TOMM20L: variants seen among roughly 807,000 people sequenced by gnomAD.
TOMM20L encodes the protein TOMM20-like protein 1.
In TOMM20L, 19 loss-of-function variants were observed where a neutral mutation model predicts 20.4. The observed-to-expected ratio is 0.93, with a 90% CI of 0.65 to 1.36. The LOEUF (loss-of-function observed/expected upper bound fraction) is 1.36, where lower values mean the gene tolerates loss of function less well. Ranked by LOEUF, TOMM20L falls within the 40% of genes most tolerant of loss-of-function variation. TOMM20L has a pLI of 0.00. For missense variants in TOMM20L, 218 were observed against 203.7 expected (o/e 1.07, Z -0.43); for synonymous variants, 75 against 79.6 (o/e 0.94, Z 0.30).
At chr14:58,397,167 G>A (rs371007498) in intron 2 of TOMM20L, among the ~76,000 whole-genome samples, 5 of 152,228 alleles carry the variant, frequency 3.3e-5, no homozygotes, top group African/African-American at 1.2e-4. Flanking sequence ...ACTTAGCTGA[G>A]ATTGTTAGCC....
In TOMM20L at chr14:58,408,513, T is replaced by C. The variant is rs199994867; in HGVS notation, c.406-16T>C. On this transcript the variant is annotated splice_polypyrimidine_tract_variant and intron_variant, in intron 4 of 4. Coordinates refer to ENST00000360945, the MANE Select transcript of TOMM20L (RefSeq NM_207377.3). The stretch of plus-strand genomic sequence containing the variant: ...ATTGAAATGATTAGCAAGTAACTAT[T>C]TTATGTATTCACCAGCAATTTGAGG... The C allele has an allele frequency of 1.9e-6, 3 of 1,612,658 alleles. No individual in the cohort carries two copies. The Admixed American group carries it at 5.0e-5, about 27-fold the overall frequency.
At chr14:58,398,515 T>C (rs546898922) in intron 2 of TOMM20L, 1 of 152,328 alleles carries the variant, frequency 6.6e-6, no homozygotes, top group Admixed American at 6.5e-5. Context: ...GGTGGATAAC[T>C]AATGATGGTG....
intron 2 of TOMM20L, among the ~76,000 whole-genome samples, chr14:58,401,311 C>T (rs1326963538): frequency 6.6e-6 from 1 of 151,814 alleles, no homozygotes. Flanking sequence ...GTGGCTCACG[C>T]CTGTAATCCT....
At chr14:58,396,849 C>A (rs1437249549) in intron 2 of TOMM20L, among the ~76,000 whole-genome samples, 4 of 152,104 alleles carry the variant, frequency 2.6e-5, no homozygotes, top group Non-Finnish European at 5.9e-5. Flanking sequence ...AATCCCAGCA[C>A]TTTGGGAGGC....
chr14:58,415,063 C>T, the TOMM20L span, among the ~76,000 whole-genome samples: 49 of 152,268 alleles, frequency 3.2e-4, no homozygotes, highest in African/African-American at 1.1e-3. Context: ...CCTTCCCAGC[C>T]AGGGAGTTAT....
chr14:58,406,902 C>A (rs1161109595), intron 3 of TOMM20L, among the ~76,000 whole-genome samples: 1 of 152,058 alleles, frequency 6.6e-6, no homozygotes, highest in African/African-American at 2.4e-5. Context: ...ATAGTGAAAT[C>A]TATTTTTTTT....
chr14:58,413,126 T>C (rs2036276332), downstream of TOMM20L, among the ~76,000 whole-genome samples: 1 of 152,166 alleles, frequency 6.6e-6, no homozygotes, highest in South Asian at 2.1e-4. Flanking sequence ...CCTTTTCTGG[T>C]AGTAAGTCTT....
At position 58,395,982 on chromosome 14, in the gene TOMM20L, C is replaced by T. The variant is rs765053736; in HGVS notation, c.25C>T (p.Arg9Cys). 1 of 1,452,492 alleles carries T rather than the reference C, an allele frequency of 6.9e-7. No homozygotes were observed. The allele number at this position is 1,452,492 out of a possible 1,614,324, so 90.0% of individuals were successfully genotyped here. A position where few individuals can be genotyped will look rare whatever the true frequency, so the allele number is the denominator to read the frequency against. Residue 9 changes from arginine to cysteine, a missense_variant, in exon 1 of 5, where the codon CGC (arginine) becomes TGC (cysteine). Arg to Cys is a radical substitution (Grantham distance 180). Transcript: ENST00000360945. MPSVRSLL[R>C]LLAAAAACGA... ...GATGCCCTCCGTCCGCTCCCTCCTC[C>T]GCCTCTTGGCCGCCGCGGCGGCCTG...
In TOMM20L at chr14:58,399,882, T is replaced by TTGCA. The variant is rs2035969917; in HGVS notation, c.181-2796_181-2793dup. Among the ~76,000 whole-genome samples the TTGCA allele has an allele frequency of 9.7e-5, 8 of 82,712 alleles. No homozygotes were observed. In the South Asian group the frequency reaches 3.0e-3, roughly 31 times the overall value. The allele number at this position is 82,712 out of a possible 152,430, so 54.3% of individuals were successfully genotyped here. On this transcript the variant is annotated intron_variant, in intron 2 of 4. Transcript: ENST00000360945. ...CCAATTCTTATTTTCAAATGCTCTATTGCATATATATATATATATATATAT... is the reference window on the plus strand; with the variant it reads ...CCAATTCTTATTTTCAAATGCTCTATTGCATGCATATATATATATATATATATAT...
chr14:58,403,190 C>T (rs1306645738), intron 3 of TOMM20L, among the ~76,000 whole-genome samples: 1 of 152,128 alleles, frequency 6.6e-6, no homozygotes, highest in Non-Finnish European at 1.5e-5. Context: ...GACCCTGTCT[C>T]TACAAAAAAC....
chr14:58,410,390 C>A (rs2036177073), downstream of TOMM20L, among the ~76,000 whole-genome samples: 1 of 151,244 alleles, frequency 6.6e-6, no homozygotes, highest in Admixed American at 6.6e-5. Context: ...TGCACTCCAG[C>A]CTGGGTAACA....
chr14:58,409,895 G>A (rs2036157942), downstream of TOMM20L, among the ~76,000 whole-genome samples: 1 of 151,868 alleles, frequency 6.6e-6, no homozygotes, highest in Non-Finnish European at 1.5e-5. Flanking sequence ...TTATTTTTTT[G>A]AGACAGGTTC....
chr14:58,407,450 A>T lies in TOMM20L; in HGVS notation c.387A>T (p.Lys129Asn). The change falls in exon 4 of 5, where the codon AAA (lysine) becomes AAT (asparagine). Residue 129 changes from lysine to asparagine, a missense_variant. Physicochemically the swap from Lys to Asn is moderately conservative, Grantham distance 94. Transcript: ENST00000360945. ...AGGTATTTGAGATGCTGTTGCACAA[A>T]ATTCCCCTTATTTGCCAGGTGAGCA... ...PPKVFEMLLH[K>N]IPLICQQFEA... The T allele has an allele frequency of 6.2e-7, 1 of 1,612,138 alleles. No individual in the cohort carries two copies. The highest frequency in any genetic ancestry group is 8.5e-7 in the Non-Finnish European group (1 of 1,179,524).
At chr14:58,414,008 GAAAAAAAAAAAAAA>G in the TOMM20L span, among the ~76,000 whole-genome samples, 5 of 24,172 alleles carry the variant, frequency 2.1e-4, no homozygotes, top group South Asian at 4.1e-3. Context: ...TTCCGTCTCA[GAAAAAAAAAAAAAA>G]AAAAAAAAAA....
At chr14:58,413,232 C>A (rs2036279233), downstream of TOMM20L, among the ~76,000 whole-genome samples, 1 of 152,066 alleles carries the variant, frequency 6.6e-6, no homozygotes, top group Non-Finnish European at 1.5e-5. Context: ...TTAATAAAAT[C>A]TATTGTTGAA....
At chr14:58,409,241 G>T (rs1427867336), downstream of TOMM20L, 3 of 1,538,758 alleles carry the variant, frequency 1.9e-6, no homozygotes, top group Non-Finnish European at 2.6e-6. Flanking sequence ...TATTCTAAAA[G>T]AATCAGTGGG....
chr14:58,408,740 C>T (rs2036113039), downstream of TOMM20L: 3 of 755,436 alleles, frequency 4.0e-6, no homozygotes, highest in Admixed American at 1.1e-4. Context: ...AATTAACAGT[C>T]ACAATTGAAG....
Position 58,404,075 on chromosome 14 carries a change from T to C in TOMM20L, c.262+1314T>C, listed in dbSNP as rs778509469. On this transcript the variant is annotated intron_variant, in intron 3 of 4. Coordinates refer to ENST00000360945, the MANE Select transcript of TOMM20L (RefSeq NM_207377.3). ...GATAAATCAGCATTACACCCATCAG[T>C]ACAATGTATATATACATATATATGT... Among the ~76,000 whole-genome samples, 128 of 104,810 alleles carry C rather than the reference T, an allele frequency of 1.2e-3. 1 individual carries two copies. Among genetic ancestry groups the C allele is most frequent in the Middle Eastern group, 4.3e-3 (1 of 230 alleles). The allele number at this position is 104,810 out of a possible 152,430, so 68.8% of individuals were successfully genotyped here.
chr14:58,409,313 C>G, downstream of TOMM20L: 1 of 871,986 alleles, frequency 1.1e-6, no homozygotes, highest in East Asian at 2.8e-5. Flanking sequence ...AGCAACTGAC[C>G]ATAGCTTTTA....
Sources: allele counts gnomAD v4.1 joint callset (sites outside exome capture counted in the v4.1 genomes callset), GRCh38; gene constraint gnomAD v4.1.1; transcripts MANE v1.5; gene names NCBI Gene and HGNC (gene_info 2026-07-23, HGNC 2026-07-21).